The following PTPRR variants were observed in gnomAD, a reference collection of about 807,000 sequenced individuals.
PTPRR encodes protein tyrosine phosphatase receptor type R.
In PTPRR, 38 loss-of-function variants were observed where a neutral mutation model predicts 77.2. The observed-to-expected ratio is 0.49, with a 90% CI of 0.38 to 0.65. The LOEUF is 0.65. Ranked by LOEUF, PTPRR falls within the 30% of genes least tolerant of loss-of-function variation. PTPRR has a pLI of 0.00. For synonymous variants in PTPRR, 299 were observed against 283.1 expected (o/e 1.06, Z -0.57); for missense variants, 744 against 799.2 (o/e 0.93, Z 0.83).
chr12:70,708,294 G>A (rs564571993), intron 6 of PTPRR, among the ~76,000 whole-genome samples: 1 of 152,190 alleles, frequency 6.6e-6, no homozygotes, highest in Non-Finnish European at 1.5e-5. Context: ...TTAGGGGGAT[G>A]CTATATGTAA....
At chr12:70,834,029 G>A (rs928693097) in intron 2 of PTPRR, among the ~76,000 whole-genome samples, 12 of 152,166 alleles carry the variant, frequency 7.9e-5, no homozygotes, top group South Asian at 6.2e-4. Flanking sequence ...GGAACTTTGC[G>A]TTTTGCCATA....
At chr12:70,682,916 T>C (rs1203122895) in intron 10 of PTPRR, among the ~76,000 whole-genome samples, 1 of 152,012 alleles carries the variant, frequency 6.6e-6, no homozygotes, top group African/African-American at 2.4e-5. Context: ...TGGCCAAAAA[T>C]ATGCTATTTT....
intron 2 of PTPRR, among the ~76,000 whole-genome samples, chr12:70,864,285 A>G (rs1048450315): frequency 1.3e-5 from 2 of 152,126 alleles, no homozygotes; most frequent in African/African-American, 4.8e-5. Context: ...CTGAAATGCT[A>G]AGCTTATTTC....
At chr12:70,754,363 T>C in intron 4 of PTPRR, 62 bp from the exon 5 acceptor site, 1 of 1,601,356 alleles carries the variant, frequency 6.2e-7, no homozygotes, top group Non-Finnish European at 8.5e-7. Context: ...GGCGTTCTTA[T>C]CAGACACTAA....
chr12:70,673,126 G>A, intron 10 of PTPRR: 1 of 756,560 alleles, frequency 1.3e-6, no homozygotes, highest in Non-Finnish European at 1.8e-6. Context: ...GGAGAAGGAG[G>A]ATGAGAGCAA....
At chr12:70,791,529 T>C (rs1207229686) in intron 2 of PTPRR, among the ~76,000 whole-genome samples, 1 of 152,206 alleles carries the variant, frequency 6.6e-6, no homozygotes, top group Non-Finnish European at 1.5e-5. Context: ...TGATGTATTA[T>C]ATTCTGTTCC....
chr12:70,890,802 T>G (rs1468661054), intron 2 of PTPRR, among the ~76,000 whole-genome samples: 3 of 152,112 alleles, frequency 2.0e-5, no homozygotes, highest in African/African-American at 7.2e-5. Context: ...TCCATTAAAG[T>G]CATTATGCTG....
chr12:70,898,982 G>A (rs186198466), intron 1 of PTPRR, among the ~76,000 whole-genome samples: 144 of 151,264 alleles, frequency 9.5e-4, no homozygotes, highest in Admixed American at 5.6e-3. Context: ...TAGATAAAAC[G>A]ATCAAATCCT....
chr12:70,837,911 A>C (rs1005901693), intron 2 of PTPRR, among the ~76,000 whole-genome samples: 1 of 152,154 alleles, frequency 6.6e-6, no homozygotes, highest in Non-Finnish European at 1.5e-5. Context: ...TCAACTCATT[A>C]GCATACAAAA....
intron 10 of PTPRR, among the ~76,000 whole-genome samples, chr12:70,665,675 C>T (rs1566053827): frequency 6.6e-6 from 1 of 151,726 alleles, no homozygotes; most frequent in Non-Finnish European, 1.5e-5. Context: ...AGCCACTGCG[C>T]CCGGCCGCCA....
intron 2 of PTPRR, among the ~76,000 whole-genome samples, chr12:70,808,589 G>A (rs990480201): frequency 5.3e-5 from 8 of 152,084 alleles, no homozygotes; most frequent in South Asian, 4.2e-4. Flanking sequence ...AAGGACTCAC[G>A]TTGAATTATC....
At chr12:70,834,773 T>C (rs1021851240) in intron 2 of PTPRR, among the ~76,000 whole-genome samples, 46 of 152,116 alleles carry the variant, frequency 3.0e-4, no homozygotes, top group African/African-American at 9.7e-4. Flanking sequence ...AATCATATTG[T>C]TATTCTAGGA....
chr12:70,895,197 A>G (rs1893405992), intron 1 of PTPRR, among the ~76,000 whole-genome samples: 1 of 151,722 alleles, frequency 6.6e-6, no homozygotes, highest in South Asian at 2.1e-4. Context: ...TCTACTCTGG[A>G]TTCTCTATAA....
chr12:70,776,971 C>T (rs987433), intron 2 of PTPRR, among the ~76,000 whole-genome samples: 52,373 of 151,924 alleles, frequency 0.34, 10,699 homozygotes, highest in African/African-American at 0.57. Context: ...TCATCCTAAT[C>T]CGCAGAAATA....
chr12:70,873,533 T>G (rs1474570611), intron 2 of PTPRR, among the ~76,000 whole-genome samples: 1 of 152,142 alleles, frequency 6.6e-6, no homozygotes, highest in Non-Finnish European at 1.5e-5. Context: ...GGAATTGAAA[T>G]GAACAATGCA....
chr12:70,729,858 A>C (rs192717921), intron 6 of PTPRR, among the ~76,000 whole-genome samples: 93 of 152,234 alleles, frequency 6.1e-4, no homozygotes, highest in Admixed American at 1.0e-3. Context: ...TGAGGAGTCC[A>C]ATAACCATGT....
chr12:70,822,832 C>T (rs1892040167), intron 2 of PTPRR, among the ~76,000 whole-genome samples: 1 of 152,050 alleles, frequency 6.6e-6, no homozygotes, highest in African/African-American at 2.4e-5. Flanking sequence ...TTGAAATGTC[C>T]TCTCATCTCT....
intron 2 of PTPRR, among the ~76,000 whole-genome samples, chr12:70,847,241 T>C (rs928288228): frequency 3.9e-5 from 6 of 152,240 alleles, no homozygotes; most frequent in Non-Finnish European, 8.8e-5. Context: ...ATGTAGTGCA[T>C]GTAATGTGCT....
chr12:70,849,373 G>A (rs1057340163), intron 2 of PTPRR, among the ~76,000 whole-genome samples: 2 of 152,168 alleles, frequency 1.3e-5, no homozygotes, highest in African/African-American at 4.8e-5. Context: ...AAGGTTTGGA[G>A]GGAATCCAAG....
Sources: gnomAD v4.1 joint callset for allele counts (sites outside exome capture counted in the v4.1 genomes callset) on GRCh38, gnomAD v4.1.1 for gene constraint, MANE v1.5 for transcripts, NCBI Gene and HGNC (gene_info 2026-07-23, HGNC 2026-07-21) for gene names.